DDAH1: variants seen among roughly 807,000 people sequenced by gnomAD.
DDAH1 encodes the protein dimethylarginine dimethylaminohydrolase 1.
Under a neutral mutation model 28.8 loss-of-function variants are expected in DDAH1, and 19 were observed. That is an observed-to-expected ratio of 0.66 (90% CI 0.46 to 0.97). The LOEUF is 0.97. DDAH1 is among the 50% of genes least tolerant of loss of function. The probability of loss-of-function intolerance (pLI) is 0.00; values close to 1 mark genes in which losing one functional copy is unlikely to be tolerated. For missense variants in DDAH1, 326 were observed against 375.9 expected, an observed-to-expected ratio of 0.87 and a Z score of 1.10; for synonymous variants, 153 against 154.4, an observed-to-expected ratio of 0.99 and a Z score of 0.07.
Position 85,464,458 on chromosome 1 carries a change from T to G in DDAH1, c.303+285A>C. 1.3e-6 allele frequency: 2 copies of G among 1,483,296 alleles called. No individual in the cohort carries two copies. Among genetic ancestry groups the G allele is most frequent in the Non-Finnish European group, 1.8e-6 (2 of 1,112,040 alleles). The allele number at this position is 1,483,296 out of a possible 1,614,324, so 91.9% of individuals were successfully genotyped here. ...GTCGCTGCCGTTTAATTTTCACAAATAAAAATGCCCGTGAGACGGAATCCC... is the reference window on the plus strand; with the variant it reads ...GTCGCTGCCGTTTAATTTTCACAAAGAAAAATGCCCGTGAGACGGAATCCC... On this transcript the variant is annotated intron_variant, in intron 1 of 5. Coordinates refer to ENST00000284031, the MANE Select transcript of DDAH1 (RefSeq NM_012137.4). This position sits in a 1 kb window ranked among gnomAD's most constrained non-coding sequence, Gnocchi z 4.4.
rs943458309 is a variant in DDAH1 at position 85,318,928 on chromosome 1, C to T, written c.*2524G>A. 4 of 152,188 alleles carry T rather than the reference C, an allele frequency of 2.6e-5. No individual in the cohort carries two copies. Among genetic ancestry groups the T allele is most frequent in the African/African-American group, 9.7e-5 (4 of 41,444 alleles). The allele number at this position is 152,188 out of a possible 1,614,324, so 9.4% of individuals were successfully genotyped here. On this transcript the variant is annotated 3_prime_UTR_variant, in exon 6 of 6. Transcript: ENST00000284031. ...GAAATAATGCTAAATAATGTATTTTCTCTATATCATCCTTTAACTAAATTG... is the reference window on the plus strand; with the variant it reads ...GAAATAATGCTAAATAATGTATTTTTTCTATATCATCCTTTAACTAAATTG...
intron 1 of DDAH1, among the ~76,000 whole-genome samples, chr1:85,561,532 A>G (rs1659140996): frequency 6.6e-6 from 1 of 152,090 alleles, no homozygotes; most frequent in Admixed American, 6.5e-5. Flanking sequence ...TCATTTACTC[A>G]TGTGTTCTCT....
chr1:85,418,803 T>G lies in DDAH1; in HGVS notation c.303+45940A>C, dbSNP rs557304259. 2.0e-5 allele frequency among the ~76,000 whole-genome samples: 3 copies of G among 152,322 alleles called. No homozygotes were observed. In the South Asian group the frequency reaches 6.2e-4, roughly 32 times the overall value. ...TTCCTGGTGCAACAGGAACACTATCTTGCCATGCTATGGGTCCTATCCCAT... is the reference window on the plus strand; with the variant it reads ...TTCCTGGTGCAACAGGAACACTATCGTGCCATGCTATGGGTCCTATCCCAT... On this transcript the variant is annotated intron_variant, in intron 1 of 5. Coordinates refer to ENST00000284031, the MANE Select transcript of DDAH1 (RefSeq NM_012137.4).
chr1:85,434,590 C>T (rs895583319), intron 1 of DDAH1, among the ~76,000 whole-genome samples: 2 of 151,992 alleles, frequency 1.3e-5, no homozygotes, highest in African/African-American at 4.8e-5. Context: ...CAGGGTTTTG[C>T]TATGCTGCCC....
intron 4 of DDAH1, among the ~76,000 whole-genome samples, chr1:85,340,651 T>C (rs1395280058): frequency 6.6e-6 from 1 of 152,192 alleles, no homozygotes. Context: ...TGCTGTGCAA[T>C]GGCATCAGCT....
chr1:85,363,216 G>T (rs1649885059), intron 1 of DDAH1, among the ~76,000 whole-genome samples: 1 of 152,162 alleles, frequency 6.6e-6, no homozygotes, highest in African/African-American at 2.4e-5. Context: ...ACAGTTCTGA[G>T]CTATGGCTCC....
intron 1 of DDAH1, among the ~76,000 whole-genome samples, chr1:85,450,331 C>T (rs1200381472): frequency 6.6e-6 from 1 of 152,114 alleles, no homozygotes; most frequent in Non-Finnish European, 1.5e-5. Flanking sequence ...AAACCTGTAT[C>T]AAAAGTTTTT....
At chr1:85,458,096 T>C (rs1369956258) in intron 1 of DDAH1, among the ~76,000 whole-genome samples, 1 of 152,226 alleles carries the variant, frequency 6.6e-6, no homozygotes, top group East Asian at 1.9e-4. Context: ...TATAAGCCCA[T>C]CCAGCTGCAA....
intron 1 of DDAH1, among the ~76,000 whole-genome samples, chr1:85,514,247 G>C (rs1399320705): frequency 6.6e-6 from 1 of 152,252 alleles, no homozygotes; most frequent in East Asian, 1.9e-4. Context: ...ACACGGATGA[G>C]ACTGGAAACC....
At chr1:85,549,556 A>G (rs1658723942) in intron 1 of DDAH1, among the ~76,000 whole-genome samples, 1 of 152,210 alleles carries the variant, frequency 6.6e-6, no homozygotes, top group Non-Finnish European at 1.5e-5. Context: ...TGCTTCCATC[A>G]TCAAGGGCTG....
chr1:85,331,292 T>C (rs1234410559), intron 4 of DDAH1, among the ~76,000 whole-genome samples: 1 of 152,202 alleles, frequency 6.6e-6, no homozygotes, highest in Non-Finnish European at 1.5e-5. Context: ...GGCTATGTTG[T>C]TTCATGGAAC....
intron 1 of DDAH1, among the ~76,000 whole-genome samples, chr1:85,506,441 A>C (rs939379957): frequency 1.3e-5 from 2 of 152,062 alleles, no homozygotes; most frequent in Non-Finnish European, 2.9e-5. Flanking sequence ...ACAAATCTTT[A>C]TTTCTGACTT....
At chr1:85,349,051 A>AAAAT (rs1398302634) in intron 4 of DDAH1, among the ~76,000 whole-genome samples, 1 of 152,204 alleles carries the variant, frequency 6.6e-6, no homozygotes, top group Non-Finnish European at 1.5e-5. Flanking sequence ...CCTAAGGAGA[A>AAAAT]AAATAATCTT....
intron 1 of DDAH1, among the ~76,000 whole-genome samples, chr1:85,452,659 G>C (rs1406385906): frequency 1.3e-5 from 2 of 152,076 alleles, no homozygotes; most frequent in Non-Finnish European, 2.9e-5. Context: ...TGTTATAGGA[G>C]CTCCCCTAAA....
At chr1:85,473,592 G>T (rs10782551) in intron 2 of DDAH1, among the ~76,000 whole-genome samples, 2 of 151,612 alleles carry the variant, frequency 1.3e-5, no homozygotes, top group African/African-American at 4.8e-5. Flanking sequence ...TGCCAGTTTC[G>T]CAATGCCAGG....
At chr1:85,392,653 C>G (rs541205412) in intron 1 of DDAH1, among the ~76,000 whole-genome samples, 1 of 151,484 alleles carries the variant, frequency 6.6e-6, no homozygotes, top group East Asian at 1.9e-4. Flanking sequence ...ATTAGCTGGG[C>G]GTGGTGGCAT....
At chr1:85,392,499 A>G (rs911394715) in intron 1 of DDAH1, among the ~76,000 whole-genome samples, 1 of 152,208 alleles carries the variant, frequency 6.6e-6, no homozygotes, top group Non-Finnish European at 1.5e-5. Context: ...CTCTTGTTAG[A>G]AAATGAACCC....
chr1:85,463,343 A>T (rs1358599558), intron 1 of DDAH1, among the ~76,000 whole-genome samples: 1 of 152,230 alleles, frequency 6.6e-6, no homozygotes, highest in Non-Finnish European at 1.5e-5. Flanking sequence ...CTCTCATCAA[A>T]AGAGTGCCAT....
intron 1 of DDAH1, among the ~76,000 whole-genome samples, chr1:85,547,641 T>C (rs995896940): frequency 8.5e-5 from 13 of 152,196 alleles, no homozygotes; most frequent in Admixed American, 1.3e-4. Flanking sequence ...ACAAAAGTGG[T>C]TTAACACTTC....
Sources: gnomAD v4.1 joint callset for allele counts (sites outside exome capture counted in the v4.1 genomes callset) on GRCh38, gnomAD v4.1.1 for gene constraint, Gnocchi (gnomAD v3.1) non-coding constraint, MANE v1.5 for transcripts, NCBI Gene and HGNC (gene_info 2026-07-23, HGNC 2026-07-21) for gene names.